YAE1: variants seen among roughly 807,000 people sequenced by gnomAD.
The protein encoded by YAE1 is YAE1 maturation factor of ABCE1.
YAE1 carries 22 observed loss-of-function variants against 23.0 expected under a neutral mutation model. The ratio of observed to expected loss-of-function variants is 0.96; its 90% CI spans 0.68 to 1.37. YAE1 has a LOEUF of 1.37. Among genes scored for constraint, YAE1 ranks in the 40% most tolerant of loss-of-function variants. The pLI is 0.00. For missense variants in YAE1, 260 were observed against 262.1 expected, an observed-to-expected ratio of 0.99 and a Z score of 0.06; for synonymous variants, 101 against 97.0, an observed-to-expected ratio of 1.04 and a Z score of -0.24.
Position 39,572,337 on chromosome 7 carries a change from C to G in YAE1, c.312C>G (p.Asn104Lys). The G allele has an allele frequency of 2.0e-5, 33 of 1,613,908 alleles. No individual in the cohort carries two copies. The highest frequency in any genetic ancestry group is 2.7e-5 in the Non-Finnish European group (32 of 1,179,908). ...ATTCAACTTTGATCAATAAAATAAA[C>G]AATCTTCTGGATGCAGTTGGCCAGT... is the stretch of plus-strand genomic sequence containing the variant. The part of the protein sequence containing the change: ...NNNSTLINKI[N>K]NLLDAVGQCE... Residue 104 changes from asparagine (N) to lysine (K), a missense_variant, in exon 3 of 3, where the codon AAC becomes AAG. By Grantham distance (94) the Asn-to-Lys change is moderately conservative. Coordinates refer to ENST00000223273, the MANE Select transcript of YAE1 (RefSeq NM_020192.5).
intron 2 of YAE1, among the ~76,000 whole-genome samples, chr7:39,606,803 A>G (rs1041029141): frequency 6.6e-6 from 1 of 152,254 alleles, no homozygotes; most frequent in African/African-American, 2.4e-5. Context: ...AAATTTCATC[A>G]AATTGTATAA....
intron 2 of YAE1, among the ~76,000 whole-genome samples, chr7:39,586,667 T>G (rs1376663265): frequency 6.6e-6 from 1 of 151,406 alleles, no homozygotes; most frequent in East Asian, 2.0e-4. Flanking sequence ...CCAGCTATTT[T>G]TTTGTATTTT....
intron 2 of YAE1, among the ~76,000 whole-genome samples, chr7:39,606,326 A>G (rs1791129516): frequency 6.6e-6 from 1 of 152,230 alleles, no homozygotes; most frequent in South Asian, 2.1e-4. Flanking sequence ...TTTTGACTTC[A>G]AGTTTCATTT....
intron 1 of YAE1, chr7:39,569,494 G>A: frequency 8.0e-6 from 4 of 498,094 alleles, no homozygotes; most frequent in South Asian, 6.6e-5. Context: ...TCCGCCTCTT[G>A]TTCTTCCTCC....
chr7:39,602,432 A>G (rs1205372231), intron 2 of YAE1, among the ~76,000 whole-genome samples: 1 of 152,238 alleles, frequency 6.6e-6, no homozygotes, highest in Admixed American at 6.5e-5. Context: ...AGAAACTCAT[A>G]ATGAAATGAT....
chr7:39,572,456 A>ATG lies in YAE1; in HGVS notation c.433_434dup (p.Val146Ter). 6.2e-7 allele frequency: 1 copy of ATG among 1,614,186 alleles called. No homozygotes were observed. The highest frequency in any genetic ancestry group is 8.5e-7 in the Non-Finnish European group (1 of 1,180,000). ...TCCATTGAGGATATGGACCTTTGTC[A>ATG]TGTAGTTCCAGCTGAGAAAAAGATT... On this transcript the variant is annotated frameshift_variant, in exon 3 of 3. Transcript: ENST00000223273. LOFTEE classifies it high-confidence loss of function.
At chr7:39,580,399 G>A (rs59071947) in intron 2 of YAE1, among the ~76,000 whole-genome samples, 9,290 of 152,238 alleles carry the variant, frequency 0.061, 666 homozygotes, top group African/African-American at 0.17. Context: ...GTAACACTCC[G>A]TTTTCTTGCC....
At chr7:39,609,952 A>C in exon 3 of YAE1, 1 of 1,522,210 alleles carries the variant, frequency 6.6e-7, no homozygotes, top group Non-Finnish European at 8.8e-7. Flanking sequence ...TTTTCAACAT[A>C]TAATAGAATC....
At chr7:39,601,586 C>G (rs748661878) in intron 2 of YAE1, among the ~76,000 whole-genome samples, 3 of 151,772 alleles carry the variant, frequency 2.0e-5, no homozygotes, top group Non-Finnish European at 4.4e-5. Flanking sequence ...ATGGTGAAAC[C>G]CCATCTCTAC....
At chr7:39,573,134 G>T (rs1790600140), downstream of YAE1, among the ~76,000 whole-genome samples, 1 of 152,092 alleles carries the variant, frequency 6.6e-6, no homozygotes, top group South Asian at 2.1e-4. Flanking sequence ...CACACAGACA[G>T]ATATATAGAT....
chr7:39,571,032 A>G (rs775258737), intron 2 of YAE1: 91 of 157,334 alleles, frequency 5.8e-4, no homozygotes, highest in Admixed American at 1.1e-3. Flanking sequence ...CTGAACATTG[A>G]ATACTTGTCA....
chr7:39,587,045 T>TC (rs1790829790), intron 2 of YAE1, among the ~76,000 whole-genome samples: 1 of 139,194 alleles, frequency 7.2e-6, no homozygotes, highest in South Asian at 2.3e-4. Flanking sequence ...TTTCTTTCTT[T>TC]TCTTTCTTTC....
At chr7:39,575,139 T>A (rs1284623342), downstream of YAE1, among the ~76,000 whole-genome samples, 1 of 152,226 alleles carries the variant, frequency 6.6e-6, no homozygotes, top group Non-Finnish European at 1.5e-5. Flanking sequence ...GCCCCAGAGC[T>A]GGCACAGCCA....
At chr7:39,599,885 G>A (rs1009020986) in intron 2 of YAE1, among the ~76,000 whole-genome samples, 2 of 151,988 alleles carry the variant, frequency 1.3e-5, no homozygotes, top group Non-Finnish European at 2.9e-5. Context: ...CACCGTGCCC[G>A]GCCTGAAGTG....
At chr7:39,577,614 C>T (rs535641930), downstream of YAE1, among the ~76,000 whole-genome samples, 1 of 152,332 alleles carries the variant, frequency 6.6e-6, no homozygotes, top group South Asian at 2.1e-4. Context: ...CTCAAATTCT[C>T]GCCAGGCCTC....
chr7:39,576,280 G>A (rs999067295), downstream of YAE1, among the ~76,000 whole-genome samples: 1 of 152,162 alleles, frequency 6.6e-6, no homozygotes, highest in Admixed American at 6.5e-5. Flanking sequence ...CAATCTAGCT[G>A]TCTTCCTGTC....
chr7:39,589,591 T>G (rs1167253022), intron 2 of YAE1, among the ~76,000 whole-genome samples: 1 of 152,188 alleles, frequency 6.6e-6, no homozygotes, highest in Non-Finnish European at 1.5e-5. Context: ...AAGGTAGGAG[T>G]TCTGTATTTA....
chr7:39,611,614 C>T (rs991543079), downstream of YAE1, among the ~76,000 whole-genome samples: 4 of 152,166 alleles, frequency 2.6e-5, no homozygotes. Context: ...GTTGGCAAAC[C>T]CCTGCCCAAG....
At chr7:39,609,868 G>T in exon 3 of YAE1, 1 of 1,534,050 alleles carries the variant, frequency 6.5e-7, no homozygotes, top group Non-Finnish European at 8.7e-7. Flanking sequence ...CGTTTCAGAC[G>T]CAAACCCCAC....
Sources: allele counts gnomAD v4.1 joint callset (sites outside exome capture counted in the v4.1 genomes callset), GRCh38; gene constraint gnomAD v4.1.1; transcripts MANE v1.5; gene names NCBI Gene and HGNC (gene_info 2026-07-23, HGNC 2026-07-21).